IMMP2L: variants seen among roughly 807,000 people sequenced by gnomAD.
IMMP2L encodes the protein inner mitochondrial membrane peptidase subunit 2.
IMMP2L carries 18 observed loss-of-function variants against 19.3 expected under a neutral mutation model. The observed-to-expected ratio is 0.93, with a 90% CI of 0.64 to 1.38. The LOEUF is 1.38. Among genes scored for constraint, IMMP2L ranks in the 40% most tolerant of loss-of-function variants. The pLI, the probability that IMMP2L is intolerant of heterozygous loss-of-function variation, is 0.00. For synonymous variants in IMMP2L, 76 were observed against 73.0 expected, an observed-to-expected ratio of 1.04 and a Z score of -0.21; for missense variants, 233 against 218.2, an observed-to-expected ratio of 1.07 and a Z score of -0.43.
rs139114018 is a variant in IMMP2L at position 110,893,761 on chromosome 7, C to T, written c.306-7066G>A. Among the ~76,000 whole-genome samples the T allele has an allele frequency of 1.8e-4, 27 of 152,242 alleles. No individual in the cohort carries two copies. In the East Asian group the frequency reaches 4.1e-3, roughly 23 times the overall value. On this transcript the variant is annotated intron_variant, in intron 4 of 5. Coordinates refer to ENST00000405709, the MANE Select transcript of IMMP2L (RefSeq NM_032549.4). ...TTTCAGTATAAGTATGACACATTTT[C>T]ATTTCTCTTCTATAAATGAAATGGT...
intron 5 of IMMP2L, among the ~76,000 whole-genome samples, chr7:110,813,572 C>T (rs762122568): frequency 6.6e-5 from 10 of 151,680 alleles, no homozygotes; most frequent in African/African-American, 1.5e-4. Flanking sequence ...GGACTACAGA[C>T]GCATGCCACC....
At chr7:110,934,503 C>G (rs544703829) in intron 4 of IMMP2L, among the ~76,000 whole-genome samples, 1 of 152,244 alleles carries the variant, frequency 6.6e-6, no homozygotes, top group Non-Finnish European at 1.5e-5. Context: ...TTTTAGAAGG[C>G]TGGATCTGAT....
intron 3 of IMMP2L, among the ~76,000 whole-genome samples, chr7:111,229,536 C>T (rs1254441485): frequency 1.3e-5 from 2 of 151,954 alleles, no homozygotes; most frequent in East Asian, 1.9e-4. Flanking sequence ...CACCAACTCA[C>T]CCTACTCACA....
At chr7:111,307,324 T>C (rs1822988584) in intron 3 of IMMP2L, among the ~76,000 whole-genome samples, 1 of 151,772 alleles carries the variant, frequency 6.6e-6, no homozygotes. Flanking sequence ...TATTCTTATT[T>C]TAACAGTATT....
chr7:110,909,358 T>A (rs1480088507), intron 4 of IMMP2L, among the ~76,000 whole-genome samples: 1 of 152,118 alleles, frequency 6.6e-6, no homozygotes, highest in East Asian at 1.9e-4. Context: ...ACAAGAGACA[T>A]GAGTTCATTT....
intron 3 of IMMP2L, among the ~76,000 whole-genome samples, chr7:111,252,595 A>G (rs998392016): frequency 2.0e-5 from 3 of 152,182 alleles, no homozygotes; most frequent in Admixed American, 1.3e-4. Flanking sequence ...CCAGCCTCTG[A>G]TGAATAATAC....
chr7:110,753,294 T>C (rs1288663461), intron 5 of IMMP2L, among the ~76,000 whole-genome samples: 18 of 151,992 alleles, frequency 1.2e-4, no homozygotes. Flanking sequence ...ATCTTAGATA[T>C]TAGAAAAGGG....
chr7:111,059,762 A>C (rs896274453), intron 3 of IMMP2L, among the ~76,000 whole-genome samples: 2 of 152,182 alleles, frequency 1.3e-5, no homozygotes, highest in Non-Finnish European at 2.9e-5. Flanking sequence ...GGGTAAACTT[A>C]ATATCCTTGC....
intron 3 of IMMP2L, among the ~76,000 whole-genome samples, chr7:110,970,980 C>T (rs906875663): frequency 5.3e-5 from 8 of 152,166 alleles, no homozygotes; most frequent in African/African-American, 1.9e-4. Context: ...TACCACAAAA[C>T]ACCCTGAAAG....
chr7:111,502,452 C>G (rs200995435), intron 2 of IMMP2L, among the ~76,000 whole-genome samples: 4 of 152,142 alleles, frequency 2.6e-5, no homozygotes, highest in South Asian at 4.2e-4. Flanking sequence ...ATTGAACTCA[C>G]CTCTGCCCCA....
chr7:111,435,018 A>G (rs1400872926), intron 3 of IMMP2L, among the ~76,000 whole-genome samples: 1 of 151,968 alleles, frequency 6.6e-6, no homozygotes, highest in Non-Finnish European at 1.5e-5. Context: ...GGCTACTATT[A>G]AAAATCCTAA....
intron 4 of IMMP2L, among the ~76,000 whole-genome samples, chr7:110,926,087 C>T (rs544735089): frequency 1.7e-3 from 256 of 151,996 alleles, no homozygotes; most frequent in Non-Finnish European, 3.2e-3. Flanking sequence ...TTCTAAGAGG[C>T]TATGATACTA....
chr7:111,189,388 A>C (rs1431756599), intron 3 of IMMP2L, among the ~76,000 whole-genome samples: 1 of 145,392 alleles, frequency 6.9e-6, no homozygotes, highest in Non-Finnish European at 1.5e-5. Flanking sequence ...AAAAAAAAAA[A>C]TACTACAAGG....
chr7:111,265,100 A>G (rs1204342119), intron 3 of IMMP2L, among the ~76,000 whole-genome samples: 1 of 152,196 alleles, frequency 6.6e-6, no homozygotes, highest in African/African-American at 2.4e-5. Flanking sequence ...TAATCTAAAG[A>G]GATAGACAAC....
intron 1 of IMMP2L, among the ~76,000 whole-genome samples, chr7:111,544,035 G>A (rs550864246): frequency 1.8e-4 from 28 of 152,162 alleles, no homozygotes; most frequent in African/African-American, 6.5e-4. Flanking sequence ...CTGGCTGAAG[G>A]ACAAATTCTA....
chr7:110,791,980 G>A (rs1562977767), intron 5 of IMMP2L, among the ~76,000 whole-genome samples: 2 of 151,878 alleles, frequency 1.3e-5, no homozygotes, highest in East Asian at 3.9e-4. Flanking sequence ...CTCCCTCTAT[G>A]AGAACATGGA....
intron 3 of IMMP2L, among the ~76,000 whole-genome samples, chr7:111,240,996 A>T (rs1814953404): frequency 6.6e-6 from 1 of 152,026 alleles, no homozygotes; most frequent in South Asian, 2.1e-4. Flanking sequence ...GTTATAATAA[A>T]TGAACACTCA....
chr7:110,791,824 T>C (rs1010785929), intron 5 of IMMP2L, among the ~76,000 whole-genome samples: 1 of 151,832 alleles, frequency 6.6e-6, no homozygotes, highest in African/African-American at 2.4e-5. Context: ...AAGGATGATC[T>C]GAGCACCATC....
intron 5 of IMMP2L, among the ~76,000 whole-genome samples, chr7:110,855,213 C>A (rs1336094065): frequency 6.6e-6 from 1 of 151,886 alleles, no homozygotes; most frequent in Admixed American, 6.6e-5. Context: ...GAAGAAATTG[C>A]TGCTAACAGA....
Sources: allele counts gnomAD v4.1 joint callset (sites outside exome capture counted in the v4.1 genomes callset), GRCh38; gene constraint gnomAD v4.1.1; transcripts MANE v1.5; gene names NCBI Gene and HGNC (gene_info 2026-07-23, HGNC 2026-07-21).